Variants in PPARGC1A observed in about 807,000 individuals in gnomAD.
The protein encoded by PPARGC1A is peroxisome proliferator-activated receptor gamma coactivator 1-alpha.
PPARGC1A carries 25 observed loss-of-function variants against 88.7 expected under a neutral mutation model. The observed-to-expected ratio is 0.28, with a 90% CI of 0.21 to 0.39. PPARGC1A has a LOEUF of 0.39. Among genes scored for constraint, PPARGC1A ranks in the 10% least tolerant of loss-of-function variants. The pLI is 1.00. For missense variants in PPARGC1A, 880 were observed against 968.7 expected, an observed-to-expected ratio of 0.91 and a Z score of 1.22; for synonymous variants, 363 against 355.6, an observed-to-expected ratio of 1.02 and a Z score of -0.24.
the PPARGC1A span, among the ~76,000 whole-genome samples, chr4:24,159,001 G>C: frequency 2.0e-5 from 3 of 152,072 alleles, no homozygotes; most frequent in Non-Finnish European, 4.4e-5. Context: ...CAGTTTCTTA[G>C]TGGTATGTAC....
At chr4:24,002,886 AC>A in the PPARGC1A span, among the ~76,000 whole-genome samples, 1 of 152,104 alleles carries the variant, frequency 6.6e-6, no homozygotes, top group Non-Finnish European at 1.5e-5. Context: ...TCTGTAAGGG[AC>A]CCACATTAGA....
chr4:24,373,423 T>A, the PPARGC1A span, among the ~76,000 whole-genome samples: 5 of 152,300 alleles, frequency 3.3e-5, no homozygotes, highest in East Asian at 9.6e-4. Context: ...TCCCTATCAG[T>A]GCATATTTAG....
At chr4:23,888,428 T>C (rs1257102850) in intron 1 of PPARGC1A, among the ~76,000 whole-genome samples, 1 of 152,100 alleles carries the variant, frequency 6.6e-6, no homozygotes, top group African/African-American at 2.4e-5. Flanking sequence ...TAATACATGA[T>C]GGAAAAATGA....
chr4:24,426,974 C>A, the PPARGC1A span, among the ~76,000 whole-genome samples: 5 of 152,170 alleles, frequency 3.3e-5, no homozygotes, highest in Non-Finnish European at 5.9e-5. Context: ...CTGCAAGAAT[C>A]TCAGTTAATA....
At chr4:23,846,220 G>T (rs541351291) in intron 2 of PPARGC1A, among the ~76,000 whole-genome samples, 2 of 152,156 alleles carry the variant, frequency 1.3e-5, no homozygotes, top group Admixed American at 6.6e-5. Flanking sequence ...CTCCTATAAC[G>T]ATAGGATGTA....
the PPARGC1A span, among the ~76,000 whole-genome samples, chr4:23,924,858 C>G: frequency 4.8e-3 from 731 of 152,210 alleles, 36 homozygotes; most frequent in East Asian, 0.1. Context: ...GCTCTGTCCC[C>G]CTTCATACAC....
the PPARGC1A span, among the ~76,000 whole-genome samples, chr4:23,929,920 A>T: frequency 6.6e-6 from 1 of 152,170 alleles, no homozygotes; most frequent in Non-Finnish European, 1.5e-5. Flanking sequence ...GGAGGGTATT[A>T]TCATTCCATT....
the PPARGC1A span, among the ~76,000 whole-genome samples, chr4:24,153,065 T>C: frequency 6.6e-6 from 1 of 152,230 alleles, no homozygotes; most frequent in Non-Finnish European, 1.5e-5. Flanking sequence ...ATAATAGCAC[T>C]GATTTGATTT....
chr4:24,356,782 A>G, the PPARGC1A span, among the ~76,000 whole-genome samples: 1 of 152,194 alleles, frequency 6.6e-6, no homozygotes, highest in Non-Finnish European at 1.5e-5. Flanking sequence ...CTTAATCTCT[A>G]CAAAGAGTCA....
At chr4:23,960,384 TG>T in the PPARGC1A span, among the ~76,000 whole-genome samples, 1 of 152,120 alleles carries the variant, frequency 6.6e-6, no homozygotes, top group Non-Finnish European at 1.5e-5. Flanking sequence ...AAAAATTACC[TG>T]GCCTAAAATG....
At chr4:24,115,787 G>C in the PPARGC1A span, among the ~76,000 whole-genome samples, 1 of 152,046 alleles carries the variant, frequency 6.6e-6, no homozygotes, top group South Asian at 2.1e-4. Flanking sequence ...ACCCAGCTCA[G>C]CCTCCCTTTG....
the PPARGC1A span, among the ~76,000 whole-genome samples, chr4:24,209,621 T>C: frequency 6.6e-6 from 1 of 152,202 alleles, no homozygotes; most frequent in African/African-American, 2.4e-5. Flanking sequence ...CTATGAGCTG[T>C]AGGCATGAAC....
the PPARGC1A span, among the ~76,000 whole-genome samples, chr4:24,229,255 G>A: frequency 6.9e-6 from 1 of 144,760 alleles, no homozygotes; most frequent in Non-Finnish European, 1.5e-5. Flanking sequence ...CCGGGTTCAA[G>A]TGATTCTTCT....
At chr4:23,889,518 GTCT>G (rs1717487337) in intron 1 of PPARGC1A, 1 of 407,492 alleles carries the variant, frequency 2.5e-6, no homozygotes, top group Admixed American at 6.4e-5. Flanking sequence ...TTTTATCTTC[GTCT>G]TATTATAAAT....
chr4:24,006,419 G>C, the PPARGC1A span, among the ~76,000 whole-genome samples: 7 of 152,322 alleles, frequency 4.6e-5, no homozygotes, highest in African/African-American at 1.4e-4. Flanking sequence ...TGTGGGGAAG[G>C]GAAGCTGAGA....
At chr4:24,387,746 A>AAGAGAGAGAGAGAGAGAGAGAGAG in the PPARGC1A span, among the ~76,000 whole-genome samples, 1 of 61,120 alleles carries the variant, frequency 1.6e-5, no homozygotes, top group African/African-American at 6.9e-5. Context: ...GAAAGAAAGA[A>AAGAGAGAGAGAGAGAGAGAGAGAG]AGAGAGAGAG....
chr4:24,352,853 C>T, the PPARGC1A span, among the ~76,000 whole-genome samples: 4 of 152,174 alleles, frequency 2.6e-5, no homozygotes, highest in Non-Finnish European at 5.9e-5. Flanking sequence ...TTCTTCCCTG[C>T]TCTCATGGAA....
the PPARGC1A span, among the ~76,000 whole-genome samples, chr4:23,997,060 G>A: frequency 6.6e-6 from 1 of 152,152 alleles, no homozygotes; most frequent in Admixed American, 6.5e-5. Flanking sequence ...AATCATGGTA[G>A]TATATGTGCC....
At chr4:24,419,863 A>G in the PPARGC1A span, among the ~76,000 whole-genome samples, 2 of 152,230 alleles carry the variant, frequency 1.3e-5, no homozygotes, top group Non-Finnish European at 2.9e-5. Context: ...GTCCAAATGC[A>G]TCCTCATACA....
Sources: gnomAD v4.1 joint callset for allele counts (sites outside exome capture counted in the v4.1 genomes callset) on GRCh38, gnomAD v4.1.1 for gene constraint, MANE v1.5 for transcripts, NCBI Gene and HGNC (gene_info 2026-07-23, HGNC 2026-07-21) for gene names.